Variants in INSYN2B observed in about 807,000 individuals in gnomAD.
The protein encoded by INSYN2B is protein INSYN2B.
A neutral mutation model predicts 41.2 loss-of-function variants in INSYN2B; 16 were observed. The observed-to-expected ratio is 0.39, with a 90% confidence interval of 0.26 to 0.59. The LOEUF (loss-of-function observed/expected upper bound fraction) is 0.59, where lower values mean the gene tolerates loss of function less well. Among genes scored for constraint, INSYN2B ranks in the 20% least tolerant of loss-of-function variants. The probability of loss-of-function intolerance (pLI) is 0.57; values close to 1 mark genes in which losing one functional copy is unlikely to be tolerated. For missense variants in INSYN2B, 608 were observed against 646.4 expected (o/e 0.94, Z 0.64); for synonymous variants, 245 against 244.4 (o/e 1.00, Z -0.02).
In INSYN2B at chr5:169,862,361, C is replaced by T. The variant is rs1048210590; in HGVS notation, c.*1912G>A. 3.3e-5 allele frequency among the ~76,000 whole-genome samples: 5 copies of T among 152,104 alleles called. No homozygotes were observed. Among genetic ancestry groups the T allele is most frequent in the African/African-American group, 9.7e-5 (4 of 41,412 alleles). Reference sequence around the variant, plus strand: ...AGAATATAAATTCACATGAAATTAGCGTAAGCAAAGCAAATTAAGATGGAA... The same window carrying T: ...AGAATATAAATTCACATGAAATTAGTGTAAGCAAAGCAAATTAAGATGGAA... On this transcript the variant is annotated 3_prime_UTR_variant, in exon 4 of 4. Coordinates refer to ENST00000377365, the MANE Select transcript of INSYN2B (RefSeq NM_001129891.3).
rs373964984 is a variant in INSYN2B at position 169,872,524 on chromosome 5, G to A, written c.1422-8065C>T. ...ACCCCTTCTCCTAGGGCATCTATCTGCTGTTGGGTCTTCAGAAAATCACAG... is the reference window on the plus strand; with the variant it reads ...ACCCCTTCTCCTAGGGCATCTATCTACTGTTGGGTCTTCAGAAAATCACAG... On this transcript the variant is annotated intron_variant, in intron 3 of 3. Coordinates refer to ENST00000377365, the MANE Select transcript of INSYN2B (RefSeq NM_001129891.3). Among the ~76,000 whole-genome samples the A allele has an allele frequency of 3.9e-5, 6 of 152,316 alleles. No homozygotes were observed. In the East Asian group the frequency reaches 9.6e-4, roughly 24 times the overall value.
intron 1 of INSYN2B, among the ~76,000 whole-genome samples, chr5:169,956,713 T>C (rs1776881638): frequency 1.3e-5 from 2 of 152,226 alleles, no homozygotes; most frequent in Admixed American, 1.3e-4. Flanking sequence ...TGTTTATAAA[T>C]ACAAGCTTTG....
intron 1 of INSYN2B, among the ~76,000 whole-genome samples, chr5:169,921,380 C>T (rs978329554): frequency 2.6e-5 from 4 of 152,136 alleles, no homozygotes; most frequent in African/African-American, 9.7e-5. Context: ...GCATAGGGGT[C>T]TTCCAGAAAA....
intron 1 of INSYN2B, among the ~76,000 whole-genome samples, chr5:169,974,769 T>C (rs1257854511): frequency 6.6e-6 from 1 of 152,202 alleles, no homozygotes; most frequent in African/African-American, 2.4e-5. Context: ...CCCATCGTTG[T>C]TGTATACATG....
chr5:169,869,825 G>A (rs1013439338), intron 3 of INSYN2B, among the ~76,000 whole-genome samples: 2 of 152,120 alleles, frequency 1.3e-5, no homozygotes, highest in African/African-American at 2.4e-5. Context: ...ACCTCACCTC[G>A]CTTTCACTGC....
chr5:169,881,485 T>A (rs1239155428), intron 2 of INSYN2B, 43 bp from the exon 3 acceptor site: 1 of 1,472,584 alleles, frequency 6.8e-7, no homozygotes, highest in South Asian at 1.2e-5. Flanking sequence ...TGGGCAAAAG[T>A]CACGTGGGCC....
chr5:169,974,248 A>AGTG (rs1777633593), intron 1 of INSYN2B, among the ~76,000 whole-genome samples: 1 of 152,226 alleles, frequency 6.6e-6, no homozygotes, highest in African/African-American at 2.4e-5. Flanking sequence ...ATTACATAAG[A>AGTG]TAAAGCTTAC....
chr5:169,952,780 A>T (rs1022530068), intron 1 of INSYN2B, among the ~76,000 whole-genome samples: 1 of 152,200 alleles, frequency 6.6e-6, no homozygotes, highest in African/African-American at 2.4e-5. Flanking sequence ...GTTTCAATCC[A>T]GGGTACAGAG....
At chr5:169,966,848 G>T (rs1010774346) in intron 1 of INSYN2B, among the ~76,000 whole-genome samples, 1 of 152,298 alleles carries the variant, frequency 6.6e-6, no homozygotes. Flanking sequence ...TTTCCACACA[G>T]ATCAGACTTT....
rs1397706875 is a variant in INSYN2B at position 169,883,044 on chromosome 5, T to C, written c.855A>G (p.Ser285=). Reference sequence around the variant, plus strand: ...ACAGTGAGCCAAGGTCTTTGTCATCTGAGTTGTCTTTGGGCAAAAGCAATT... The same window carrying C: ...ACAGTGAGCCAAGGTCTTTGTCATCCGAGTTGTCTTTGGGCAAAAGCAATT... The part of the protein sequence containing the change: ...KPELLLPKDN[S]DDKDLGSLSS... The change falls in exon 2 of 4, where the codon TCA becomes TCG. Residue 285 remains serine, a synonymous_variant. Coordinates refer to ENST00000377365, the MANE Select transcript of INSYN2B (RefSeq NM_001129891.3). The C allele has an allele frequency of 7.7e-6, 12 of 1,551,570 alleles. No homozygotes were observed. Among genetic ancestry groups the C allele is most frequent in the Non-Finnish European group, 7.8e-6 (9 of 1,146,964 alleles).
intron 1 of INSYN2B, among the ~76,000 whole-genome samples, chr5:169,948,476 T>C (rs1382171195): frequency 6.6e-6 from 1 of 152,098 alleles, no homozygotes; most frequent in Non-Finnish European, 1.5e-5. Flanking sequence ...CATCTCTCTC[T>C]CTCTCTATCT....
intron 1 of INSYN2B, among the ~76,000 whole-genome samples, chr5:169,902,215 C>A (rs1406263692): frequency 6.6e-6 from 1 of 152,206 alleles, no homozygotes; most frequent in African/African-American, 2.4e-5. Context: ...AACTCCCCTA[C>A]AAAAGAGCTG....
At chr5:169,898,488 G>A (rs1207686096) in intron 1 of INSYN2B, among the ~76,000 whole-genome samples, 1 of 151,868 alleles carries the variant, frequency 6.6e-6, no homozygotes, top group African/African-American at 2.4e-5. Flanking sequence ...CTGTAACATG[G>A]GATTGATAGG....
In INSYN2B at chr5:169,971,050, C is replaced by T. The variant is rs192675246; in HGVS notation, c.-919+9227G>A. On this transcript the variant is annotated intron_variant, in intron 1 of 3. Coordinates refer to ENST00000377365, the MANE Select transcript of INSYN2B (RefSeq NM_001129891.3). The stretch of plus-strand genomic sequence containing the variant: ...GCTGTGTCACCTTTATTAATGATGA[C>T]GGGGAGAGGGAGTCAGCAGGCAGCT... 1.5e-4 allele frequency among the ~76,000 whole-genome samples: 23 copies of T among 151,966 alleles called. No homozygotes were observed. The South Asian group carries it at 3.1e-3, about 21-fold the overall frequency.
intron 3 of INSYN2B, among the ~76,000 whole-genome samples, chr5:169,866,112 A>G (rs1260970094): frequency 6.6e-6 from 1 of 151,722 alleles, no homozygotes; most frequent in Non-Finnish European, 1.5e-5. Context: ...GGCCTGTTTT[A>G]TAGCAAGACT....
At chr5:169,934,970 C>G in intron 1 of INSYN2B, 1 of 252,808 alleles carries the variant, frequency 4.0e-6, no homozygotes, top group Non-Finnish European at 7.9e-6. Context: ...ACAATATCAG[C>G]TAGAATGCAA....
At chr5:169,953,836 T>C (rs1170763633) in intron 1 of INSYN2B, among the ~76,000 whole-genome samples, 6 of 152,212 alleles carry the variant, frequency 3.9e-5, no homozygotes, top group Non-Finnish European at 8.8e-5. Flanking sequence ...CCTGGCACCA[T>C]TGGTTTTCCA....
chr5:169,931,375 A>T (rs1201949541), intron 1 of INSYN2B, among the ~76,000 whole-genome samples: 1 of 152,202 alleles, frequency 6.6e-6, no homozygotes, highest in Non-Finnish European at 1.5e-5. Context: ...GCTTGCCTTG[A>T]TATTGCCGCC....
chr5:169,933,667 C>T (rs913527694), intron 1 of INSYN2B, among the ~76,000 whole-genome samples: 1 of 152,154 alleles, frequency 6.6e-6, no homozygotes, highest in African/African-American at 2.4e-5. Flanking sequence ...GTCAGGGGAC[C>T]TTACTGGCCG....
Sources: allele counts gnomAD v4.1 joint callset (sites outside exome capture counted in the v4.1 genomes callset), GRCh38; gene constraint gnomAD v4.1.1; transcripts MANE v1.5; gene names NCBI Gene and HGNC (gene_info 2026-07-23, HGNC 2026-07-21).